Variants in TSHZ2 observed in about 807,000 individuals in gnomAD.
TSHZ2 encodes teashirt zinc finger homeobox 2.
In TSHZ2, 21 loss-of-function variants were observed where a neutral mutation model predicts 74.4. The ratio of observed to expected loss-of-function variants is 0.28; its 90% CI spans 0.20 to 0.41. The LOEUF (loss-of-function observed/expected upper bound fraction) is 0.41, where lower values mean the gene tolerates loss of function less well. Ranked by LOEUF, TSHZ2 falls within the 10% of genes least tolerant of loss-of-function variation. The pLI is 1.00. For synonymous variants in TSHZ2, 540 were observed against 515.3 expected, an observed-to-expected ratio of 1.05 and a Z score of -0.65; for missense variants, 1,244 against 1,293.5, an observed-to-expected ratio of 0.96 and a Z score of 0.59.
intron 1 of TSHZ2, among the ~76,000 whole-genome samples, chr20:53,138,780 C>T (rs937236661): frequency 5.3e-5 from 8 of 152,350 alleles, no homozygotes; most frequent in Non-Finnish European, 1.2e-4. Context: ...GATGTTCTGG[C>T]TGTTTCAGTA....
At chr20:53,073,220 C>T (rs1249681542) in intron 1 of TSHZ2, among the ~76,000 whole-genome samples, 2 of 151,230 alleles carry the variant, frequency 1.3e-5, no homozygotes, top group African/African-American at 4.9e-5. Flanking sequence ...ATCCCTTAAT[C>T]CATTCATCTG....
intron 2 of TSHZ2, among the ~76,000 whole-genome samples, chr20:53,446,570 C>T (rs1322194644): frequency 1.1e-4 from 13 of 116,468 alleles, no homozygotes; most frequent in African/African-American, 3.5e-4. Context: ...CAGAGCGAGA[C>T]TCTGTCGCAA....
At chr20:53,286,733 A>G (rs772639840) in intron 2 of TSHZ2, among the ~76,000 whole-genome samples, 3 of 152,076 alleles carry the variant, frequency 2.0e-5, no homozygotes, top group Non-Finnish European at 4.4e-5. Flanking sequence ...TACAAAAATA[A>G]TTTATTTTTA....
rs185110699 is a variant in TSHZ2, at chr20:53,441,528, C to T, written c.*9-45616C>T. 5.1e-3 allele frequency among the ~76,000 whole-genome samples: 778 copies of T among 151,912 alleles called. 4 individuals are homozygous for T. Among genetic ancestry groups the T allele is most frequent in the Middle Eastern group, 0.034 (10 of 294 alleles). The stretch of plus-strand genomic sequence containing the variant: ...GTCTCAATCTCCTGACCTCATGATC[C>T]GCCCACCTCGGCCTCCCAAAGTGCT... On this transcript the variant is annotated intron_variant, in intron 2 of 2. Transcript: ENST00000371497.
At chr20:52,998,806 C>G (rs139824085) in intron 1 of TSHZ2, among the ~76,000 whole-genome samples, 1 of 152,148 alleles carries the variant, frequency 6.6e-6, no homozygotes. Flanking sequence ...TGAACAGATG[C>G]GTGCTCTCAG....
chr20:53,193,715 C>T (rs1988795664), intron 1 of TSHZ2, among the ~76,000 whole-genome samples: 1 of 152,174 alleles, frequency 6.6e-6, no homozygotes, highest in South Asian at 2.1e-4. Flanking sequence ...CAGTGTATAT[C>T]TGTTGAATAA....
intron 1 of TSHZ2, among the ~76,000 whole-genome samples, chr20:53,014,952 G>T (rs1198092331): frequency 4.6e-5 from 7 of 152,118 alleles, no homozygotes; most frequent in Non-Finnish European, 1.0e-4. Context: ...TGCATTTAAA[G>T]CCTAATTCTT....
At chr20:53,310,923 C>T (rs991016418) in intron 2 of TSHZ2, among the ~76,000 whole-genome samples, 5 of 152,188 alleles carry the variant, frequency 3.3e-5, no homozygotes, top group African/African-American at 1.2e-4. Context: ...AAAACATGCA[C>T]ATCAAGAAAT....
intron 2 of TSHZ2, among the ~76,000 whole-genome samples, chr20:53,310,054 T>C (rs1978713689): frequency 6.6e-6 from 1 of 152,262 alleles, no homozygotes; most frequent in East Asian, 1.9e-4. Flanking sequence ...GAATGTTTTT[T>C]CTCCACCTGG....
At chr20:53,205,170 C>T (rs1489683342) in intron 1 of TSHZ2, among the ~76,000 whole-genome samples, 1 of 151,778 alleles carries the variant, frequency 6.6e-6, no homozygotes, top group Admixed American at 6.6e-5. Context: ...GATTTGTCTA[C>T]AGGTTTTCAG....
intron 2 of TSHZ2, among the ~76,000 whole-genome samples, chr20:53,485,235 A>T (rs911645596): frequency 2.0e-5 from 3 of 152,138 alleles, no homozygotes; most frequent in East Asian, 1.9e-4. Flanking sequence ...AGTGTTATGT[A>T]TTATTGAATA....
intron 1 of TSHZ2, among the ~76,000 whole-genome samples, chr20:53,041,652 T>C (rs764729406): frequency 2.0e-5 from 3 of 152,234 alleles, no homozygotes; most frequent in Non-Finnish European, 4.4e-5. Flanking sequence ...CGGAGAACCC[T>C]GTGGCATAGT....
intron 1 of TSHZ2, among the ~76,000 whole-genome samples, chr20:53,215,330 T>A (rs1438161005): frequency 6.6e-6 from 1 of 152,074 alleles, no homozygotes; most frequent in Non-Finnish European, 1.5e-5. Flanking sequence ...TTTTGAGAGC[T>A]GCCTGTCATA....
intron 2 of TSHZ2, among the ~76,000 whole-genome samples, chr20:53,443,295 A>G (rs1173327985): frequency 6.6e-6 from 1 of 152,238 alleles, no homozygotes; most frequent in Non-Finnish European, 1.5e-5. Context: ...TATTTCTGCC[A>G]TGATGTTTAA....
chr20:53,185,250 T>C (rs928935989), intron 1 of TSHZ2: 44 of 1,006,142 alleles, frequency 4.4e-5, no homozygotes, highest in Non-Finnish European at 5.0e-5. Flanking sequence ...CCTGTAGAAG[T>C]GATGCATAAA....
intron 1 of TSHZ2, among the ~76,000 whole-genome samples, chr20:53,044,814 A>G (rs981706640): frequency 2.0e-5 from 3 of 152,074 alleles, no homozygotes; most frequent in Non-Finnish European, 2.9e-5. Context: ...GGTTCACGGG[A>G]TCCTCCTACC....
chr20:53,395,707 T>C (rs1162869486), intron 2 of TSHZ2, among the ~76,000 whole-genome samples: 1 of 152,240 alleles, frequency 6.6e-6, no homozygotes, highest in African/African-American at 2.4e-5. Context: ...TCAAACCATC[T>C]TAACATCTTT....
chr20:53,166,885 G>A (rs1023524794), intron 1 of TSHZ2, among the ~76,000 whole-genome samples: 2 of 152,130 alleles, frequency 1.3e-5, no homozygotes, highest in African/African-American at 4.8e-5. Context: ...ATAAATATCT[G>A]AATAGGATAA....
At chr20:53,161,901 C>T (rs1386139424) in intron 1 of TSHZ2, among the ~76,000 whole-genome samples, 1 of 152,142 alleles carries the variant, frequency 6.6e-6, no homozygotes, top group East Asian at 1.9e-4. Flanking sequence ...ACTGTATATC[C>T]ACCTTAGGTC....
Sources: gnomAD v4.1 joint callset for allele counts (sites outside exome capture counted in the v4.1 genomes callset) on GRCh38, gnomAD v4.1.1 for gene constraint, MANE v1.5 for transcripts, NCBI Gene and HGNC (gene_info 2026-07-23, HGNC 2026-07-21) for gene names.